SOCS7: variants seen among roughly 807,000 people sequenced by gnomAD.
The protein encoded by SOCS7 is suppressor of cytokine signaling 7.
SOCS7 carries 18 observed loss-of-function variants against 58.9 expected under a neutral mutation model. The observed-to-expected ratio is 0.31, with a 90% CI of 0.21 to 0.45. The LOEUF (loss-of-function observed/expected upper bound fraction) is 0.45, where lower values mean the gene tolerates loss of function less well. Ranked by LOEUF, SOCS7 falls within the 20% of genes least tolerant of loss-of-function variation. SOCS7 has a pLI of 1.00. For missense variants in SOCS7, 667 were observed against 837.3 expected (o/e 0.80, Z 2.51); for synonymous variants, 388 against 364.3 (o/e 1.06, Z -0.74).
In SOCS7 at chr17:38,395,662, C is replaced by T. The variant is rs939230274; in HGVS notation, c.1818-186C>T. Among the ~76,000 whole-genome samples the T allele has an allele frequency of 3.9e-5, 6 of 152,280 alleles. No homozygotes were observed. The South Asian group carries it at 1.2e-3, about 32-fold the overall frequency. ...GGTGTGTGTGTCAGCCTTCCTTCTGCAGTCTCTAGGAAGAATAGAGTAGAA... is the reference window on the plus strand; with the variant it reads ...GGTGTGTGTGTCAGCCTTCCTTCTGTAGTCTCTAGGAAGAATAGAGTAGAA... On this transcript the variant is annotated intron_variant, in intron 8 of 9. Coordinates refer to ENST00000612932, the MANE Select transcript of SOCS7 (RefSeq NM_014598.4).
At chr17:38,375,501 T>C (rs907450221) in intron 6 of SOCS7, among the ~76,000 whole-genome samples, 10 of 152,202 alleles carry the variant, frequency 6.6e-5, no homozygotes, top group African/African-American at 2.4e-4. Context: ...TATTCCTTTT[T>C]CTAGCTTAAT....
In SOCS7 at chr17:38,403,832, C is replaced by G. The variant is rs573914828; in HGVS notation, c.*4350C>G. 6.6e-6 allele frequency: 1 copy of G among 152,242 alleles called. No individual in the cohort carries two copies. Among genetic ancestry groups the G allele is most frequent in the Admixed American group, 6.5e-5 (1 of 15,272 alleles). The allele number at this position is 152,242 out of a possible 1,614,324, so 9.4% of individuals were successfully genotyped here. A position where few individuals can be genotyped will look rare whatever the true frequency, so the allele number is the denominator to read the frequency against. ...GGGAATGGATAAGTGATTTTTATCT[C>G]TAATCGTCAACACAGCTGTTCTTCC... On this transcript the variant is annotated 3_prime_UTR_variant, in exon 10 of 10. Coordinates refer to ENST00000612932, the MANE Select transcript of SOCS7 (RefSeq NM_014598.4).
chr17:38,395,436 A>G lies in SOCS7; in HGVS notation c.1809A>G (p.Pro603=). 1.2e-6 allele frequency: 2 copies of G among 1,613,994 alleles called. No homozygotes were observed. Among genetic ancestry groups the G allele is most frequent in the Non-Finnish European group, 1.7e-6 (2 of 1,179,906 alleles). ...GGATAGATCACATCCCAGATCTCCC[A>G]CTGCCTAAGTACAATGGGGTTGTCA... is the stretch of plus-strand genomic sequence containing the variant. ...LVRIDHIPDL[P]LPKPLISYIR... The change falls in exon 8 of 10, where the codon CCA becomes CCG. Residue 603 remains proline (P), a synonymous_variant. Transcript: ENST00000612932.
intron 7 of SOCS7, among the ~76,000 whole-genome samples, chr17:38,387,133 G>GTATATATATATA (rs1191192504): frequency 4.1e-5 from 3 of 73,482 alleles, no homozygotes; most frequent in Admixed American, 1.6e-4. Flanking sequence ...ATATATGTAT[G>GTATATATATATA]TATATATATA....
chr17:38,392,441 C>T (rs1471674179), intron 7 of SOCS7, among the ~76,000 whole-genome samples: 1 of 152,110 alleles, frequency 6.6e-6, no homozygotes, highest in Non-Finnish European at 1.5e-5. Flanking sequence ...TACAGCCAAT[C>T]CCCCAAAGCT....
At position 38,370,615 on chromosome 17, in the gene SOCS7, A is replaced by G. The variant is rs922806468; in HGVS notation, c.1552+2565A>G. ...CTTGGCCTCCCAAAGTGCTGGGATTATAGATATAAGCCACTGTACCTCGCC... is the reference window on the plus strand; with the variant it reads ...CTTGGCCTCCCAAAGTGCTGGGATTGTAGATATAAGCCACTGTACCTCGCC... On this transcript the variant is annotated intron_variant, in intron 6 of 9. Coordinates refer to ENST00000612932, the MANE Select transcript of SOCS7 (RefSeq NM_014598.4). Among the ~76,000 whole-genome samples, 9 of 151,756 alleles carry G rather than the reference A, an allele frequency of 5.9e-5. No individual in the cohort carries two copies. The South Asian group carries it at 1.9e-3, about 32-fold the overall frequency.
At chr17:38,370,945 G>A (rs973478243) in intron 6 of SOCS7, among the ~76,000 whole-genome samples, 1 of 152,094 alleles carries the variant, frequency 6.6e-6, no homozygotes, top group Admixed American at 6.6e-5. Context: ...CACGGCGCCC[G>A]GCCTTATAAC....
At position 38,395,709 on chromosome 17, in the gene SOCS7, G is replaced by T. The variant is rs1044119397; in HGVS notation, c.1818-139G>T. On this transcript the variant is annotated intron_variant, in intron 8 of 9. Transcript: ENST00000612932. The stretch of plus-strand genomic sequence containing the variant: ...AGAAGTGGTAAGAGTAAGGAAGACA[G>T]AACTATAATAACTGAGAAAATGGGG... 12 of 961,194 alleles carry T rather than the reference G, an allele frequency of 1.2e-5. No homozygotes were observed. In the South Asian group the frequency reaches 1.7e-4, roughly 13 times the overall value. The allele number at this position is 961,194 out of a possible 1,614,324, so 59.5% of individuals were successfully genotyped here.
intron 6 of SOCS7, among the ~76,000 whole-genome samples, chr17:38,369,350 A>C (rs2037831673): frequency 6.6e-6 from 1 of 152,172 alleles, no homozygotes; most frequent in South Asian, 2.1e-4. Flanking sequence ...TTAGGTCAGC[A>C]TAGCTTTGTC....
chr17:38,402,907 G>A lies in SOCS7; in HGVS notation c.*3425G>A, dbSNP rs1183028005. The A allele has an allele frequency of 6.6e-6, 1 of 152,188 alleles. No individual in the cohort carries two copies. Among genetic ancestry groups the A allele is most frequent in the Non-Finnish European group, 1.5e-5 (1 of 68,044 alleles). 9.4% of individuals were successfully genotyped at this position (152,188 alleles called of 1,614,324 possible). The stretch of plus-strand genomic sequence containing the variant: ...TACTGTAACCTTCCTCAGGTTGAGA[G>A]TGAGCTGCTGTGAGCCAGTGACAAC... On this transcript the variant is annotated 3_prime_UTR_variant, in exon 10 of 10. Coordinates refer to ENST00000612932, the MANE Select transcript of SOCS7 (RefSeq NM_014598.4).
chr17:38,374,481 T>G (rs1323821129), intron 6 of SOCS7, among the ~76,000 whole-genome samples: 1 of 152,228 alleles, frequency 6.6e-6, no homozygotes, highest in Admixed American at 6.5e-5. Flanking sequence ...CACTCCAGCC[T>G]GGGCAACAGA....
At chr17:38,377,955 T>C in intron 7 of SOCS7, 113 bp downstream of exon 7, 1 of 933,632 alleles carries the variant, frequency 1.1e-6, no homozygotes, top group Admixed American at 2.2e-5. Flanking sequence ...CCCTGGCTGT[T>C]GGAGCCACCA....
In SOCS7 at chr17:38,366,360, T is replaced by C. The variant is rs2037789901; in HGVS notation, c.1326T>C (p.Cys442=). 1.2e-6 allele frequency: 2 copies of C among 1,614,040 alleles called. No homozygotes were observed. Among genetic ancestry groups the C allele is most frequent in the African/African-American group, 2.7e-5 (2 of 74,914 alleles). The change falls in exon 5 of 10, where the codon TGT becomes TGC. Residue 442 remains cysteine, a synonymous_variant. Coordinates refer to ENST00000612932, the MANE Select transcript of SOCS7 (RefSeq NM_014598.4). ...GCCAACCCCCACAGCACCTCCAGTG[T>C]CCCCTCTACCGGCCTGACTCGAGCA... The part of the protein sequence containing the change: ...LHSQPPQHLQ[C]PLYRPDSSSF...
intron 7 of SOCS7, among the ~76,000 whole-genome samples, chr17:38,380,121 A>G (rs540009540): frequency 6.6e-6 from 1 of 152,174 alleles, no homozygotes; most frequent in East Asian, 1.9e-4. Flanking sequence ...GGAATATTGG[A>G]CTCCTCAGAT....
At position 38,395,820 on chromosome 17, in the gene SOCS7, G is replaced by T. The variant is rs536855102; in HGVS notation, c.1818-28G>T. 5.0e-6 allele frequency: 8 copies of T among 1,603,298 alleles called. No homozygotes were observed. The South Asian group carries it at 7.9e-5, about 16-fold the overall frequency. On this transcript the variant is annotated intron_variant, in intron 8 of 9. Transcript: ENST00000612932. ...TTTATATTTTGTATAAAAACCTTTT[G>T]TGTATATCCGTCATTTGTTTTTCAC...
In SOCS7 at chr17:38,389,800, T is replaced by C. The variant is rs1288025844; in HGVS notation, c.1682-5509T>C. ...GAGACTTAAACTTTTAGCTTTTACA[T>C]TAGGTCTACTATCCGTTTTGAGTTA... On this transcript the variant is annotated intron_variant, in intron 7 of 9. Transcript: ENST00000612932. Among the ~76,000 whole-genome samples the C allele has an allele frequency of 2.1e-5, 3 of 141,826 alleles. No individual in the cohort carries two copies. The East Asian group carries it at 6.1e-4, about 29-fold the overall frequency. The allele number at this position is 141,826 out of a possible 152,430, so 93.0% of individuals were successfully genotyped here. A position where few individuals can be genotyped will look rare whatever the true frequency, so the allele number is the denominator to read the frequency against.
intron 7 of SOCS7, among the ~76,000 whole-genome samples, chr17:38,389,897 A>ATGTACATATATATATG (rs1555571091): frequency 2.6e-5 from 2 of 77,366 alleles, no homozygotes; most frequent in African/African-American, 7.9e-5. Flanking sequence ...ATATATATAT[A>ATGTACATATATATATG]TACACATATA....
rs978880654 is a variant in SOCS7 at position 38,405,269 on chromosome 17, A to C, written c.*5787A>C. ...GAAAGGGAAAGAGGTTTTGATATAAACAAAACAAATGCACTTTGGGTGTGT... is the reference window on the plus strand; with the variant it reads ...GAAAGGGAAAGAGGTTTTGATATAACCAAAACAAATGCACTTTGGGTGTGT... On this transcript the variant is annotated 3_prime_UTR_variant, in exon 10 of 10. Coordinates refer to ENST00000612932, the MANE Select transcript of SOCS7 (RefSeq NM_014598.4). 3.3e-5 allele frequency: 5 copies of C among 152,000 alleles called. No homozygotes were observed. Among genetic ancestry groups the C allele is most frequent in the African/African-American group, 1.2e-4 (5 of 41,478 alleles). 9.4% of individuals were successfully genotyped at this position (152,000 alleles called of 1,614,324 possible).
chr17:38,352,966 T>C lies in SOCS7; in HGVS notation c.914T>C (p.Leu305Pro). ...ACCGGCAAGAGGCCTTCTGGAGAGC[T>C]GGCTGCTTCAGCTGCGAGCCTGACA... ...DGTGKRPSGE[L>P]AASAASLTDM... The change falls in exon 1 of 10, where the codon CTG becomes CCG. Residue 305 changes from leucine to proline, a missense_variant. Coordinates refer to ENST00000612932, the MANE Select transcript of SOCS7 (RefSeq NM_014598.4). This position sits in a 1 kb window ranked among gnomAD's most constrained non-coding sequence, Gnocchi z 5.5. The C allele has an allele frequency of 6.2e-7, 1 of 1,607,552 alleles. No individual in the cohort carries two copies. The highest frequency in any genetic ancestry group is 1.1e-5 in the South Asian group (1 of 89,446).
Sources: allele counts gnomAD v4.1 joint callset (sites outside exome capture counted in the v4.1 genomes callset), GRCh38; gene constraint gnomAD v4.1.1; non-coding constraint Gnocchi (gnomAD v3.1); transcripts MANE v1.5; gene names NCBI Gene and HGNC (gene_info 2026-07-23, HGNC 2026-07-21).